Variants in EYS observed in about 807,000 individuals in gnomAD.
EYS encodes EGF-like photoreceptor maintenance factor.
In EYS, 250 loss-of-function variants were observed where a neutral mutation model predicts 282.1. That is an observed-to-expected ratio of 0.89 (90% CI 0.80 to 0.98). The LOEUF (loss-of-function observed/expected upper bound fraction) is 0.98. Ranked by LOEUF, EYS falls within the 50% of genes least tolerant of loss-of-function variation. EYS has a pLI of 0.00. For synonymous variants in EYS, 1,355 were observed against 1,282.9 expected, an observed-to-expected ratio of 1.06 and a Z score of -1.20; for missense variants, 4,016 against 3,709.0, an observed-to-expected ratio of 1.08 and a Z score of -2.15.
At chr6:64,077,205 C>T (rs1185273722) in intron 32 of EYS, among the ~76,000 whole-genome samples, 1 of 151,960 alleles carries the variant, frequency 6.6e-6, no homozygotes, top group East Asian at 1.9e-4. Context: ...TTTTATGGTA[C>T]ACACAATAAA....
At chr6:64,053,308 T>C (rs1770875470) in intron 33 of EYS, among the ~76,000 whole-genome samples, 1 of 152,170 alleles carries the variant, frequency 6.6e-6, no homozygotes, top group Non-Finnish European at 1.5e-5. Context: ...ATTTTTAATT[T>C]TTATTACAGT....
intron 4 of EYS, chr6:65,491,542 C>T: frequency 2.4e-6 from 1 of 425,464 alleles, no homozygotes; most frequent in South Asian, 1.7e-5. Context: ...ACTGACATCC[C>T]TGCCTCACTA....
In EYS at chr6:64,324,798, C is replaced by T. The variant is rs570964934; in HGVS notation, c.6079-17716G>A. On this transcript the variant is annotated intron_variant, in intron 29 of 42. Coordinates refer to ENST00000503581, the MANE Select transcript of EYS (RefSeq NM_001142800.2). ...GGATACAAAATCAATGTATAAAAAT[C>T]GGTATATTTCTATGTATCAATAACA... 6.6e-5 allele frequency among the ~76,000 whole-genome samples: 10 copies of T among 152,072 alleles called. No homozygotes were observed. The East Asian group carries it at 7.7e-4, about 12-fold the overall frequency.
intron 11 of EYS, 108 bp from the exon 12 acceptor site, chr6:65,296,227 G>A (rs1768661793): frequency 4.2e-6 from 5 of 1,177,570 alleles, no homozygotes; most frequent in East Asian, 2.7e-5. Context: ...AATATTTAAT[G>A]AAGATAGTTG....
intron 40 of EYS, among the ~76,000 whole-genome samples, chr6:63,772,793 A>G (rs1030405600): frequency 6.6e-6 from 1 of 152,132 alleles, no homozygotes; most frequent in Non-Finnish European, 1.5e-5. Context: ...TAGAAAGTCT[A>G]GCTTTTATCC....
intron 22 of EYS, among the ~76,000 whole-genome samples, chr6:64,697,937 T>C (rs2149921183): frequency 6.6e-6 from 1 of 151,790 alleles, no homozygotes; most frequent in South Asian, 2.1e-4. Context: ...CAAGACTCCG[T>C]CTCAAAACAA....
chr6:63,913,491 A>G (rs909824701), intron 35 of EYS, among the ~76,000 whole-genome samples: 3 of 152,190 alleles, frequency 2.0e-5, no homozygotes, highest in African/African-American at 7.2e-5. Context: ...ATCATGCACT[A>G]TACATACTTC....
At chr6:64,518,174 C>T (rs1254977710) in intron 26 of EYS, among the ~76,000 whole-genome samples, 1 of 151,714 alleles carries the variant, frequency 6.6e-6, no homozygotes, top group African/African-American at 2.4e-5. Context: ...GTGACAAATT[C>T]CTAAAGAAAT....
chr6:65,331,060 T>C, intron 11 of EYS: 2 of 984,340 alleles, frequency 2.0e-6, no homozygotes, highest in Non-Finnish European at 1.2e-6. Flanking sequence ...ATGTGTTATG[T>C]AGTCTGTCAT....
intron 35 of EYS, among the ~76,000 whole-genome samples, chr6:63,970,097 GGA>G (rs745664811): frequency 1.3e-5 from 2 of 152,146 alleles, no homozygotes; most frequent in Non-Finnish European, 2.9e-5. Context: ...AACTTTCCCT[GGA>G]GACATGGCGA....
At chr6:65,329,623 A>C in intron 11 of EYS, 1 of 981,232 alleles carries the variant, frequency 1.0e-6, no homozygotes, top group Non-Finnish European at 1.2e-6. Flanking sequence ...ACTTGAAGGC[A>C]GAAAAGTTTG....
chr6:64,067,510 T>C (rs902175315), intron 32 of EYS, among the ~76,000 whole-genome samples: 3 of 152,188 alleles, frequency 2.0e-5, no homozygotes, highest in African/African-American at 7.2e-5. Context: ...TCTACTGTAG[T>C]CTTCCCTTTA....
intron 15 of EYS, among the ~76,000 whole-genome samples, chr6:64,916,480 A>G (rs1384917941): frequency 6.6e-6 from 1 of 152,232 alleles, no homozygotes; most frequent in Non-Finnish European, 1.5e-5. Flanking sequence ...AGTCACTACT[A>G]GTGACTAACA....
At chr6:64,166,141 TTAAA>T (rs1183724058) in intron 31 of EYS, among the ~76,000 whole-genome samples, 2 of 152,194 alleles carry the variant, frequency 1.3e-5, no homozygotes, top group Non-Finnish European at 2.9e-5. Context: ...ACTTTGCCCT[TTAAA>T]TACTCAAGTT....
intron 14 of EYS, among the ~76,000 whole-genome samples, chr6:64,972,500 A>G: frequency 6.6e-6 from 1 of 151,662 alleles, no homozygotes; most frequent in South Asian, 2.1e-4. Context: ...CCTCTTCCTC[A>G]CTCTAGCCAA....
chr6:65,335,048 A>G lies in EYS; in HGVS notation c.1698T>C (p.Asn566=), dbSNP rs1156347961. The change falls in exon 11 of 43, where the codon AAT becomes AAC. Residue 566 remains asparagine (N), a synonymous_variant. Coordinates refer to ENST00000503581, the MANE Select transcript of EYS (RefSeq NM_001142800.2). ...LRWAGNMYLE[N]TTDDQENECQ... is the part of the protein sequence containing the mutation. ...ACTCATTTTCTTGATCATCAGTTGTATTTTCCAGATACATGTTGCCAGCCC... is the reference window on the plus strand; with the variant it reads ...ACTCATTTTCTTGATCATCAGTTGTGTTTTCCAGATACATGTTGCCAGCCC... 2 of 1,611,898 alleles carry G rather than the reference A, an allele frequency of 1.2e-6. No homozygotes were observed. Among genetic ancestry groups the G allele is most frequent in the Non-Finnish European group, 8.5e-7 (1 of 1,178,722 alleles).
intron 35 of EYS, among the ~76,000 whole-genome samples, chr6:63,924,838 G>A (rs1206482918): frequency 6.6e-6 from 1 of 152,108 alleles, no homozygotes; most frequent in Non-Finnish European, 1.5e-5. Context: ...GTGCATAACA[G>A]AAAAGTAAAA....
chr6:65,472,335 A>G (rs940056533), intron 5 of EYS, among the ~76,000 whole-genome samples: 22 of 152,080 alleles, frequency 1.4e-4, no homozygotes, highest in African/African-American at 3.9e-4. Flanking sequence ...CTTGGAAGGC[A>G]GTACGTTAGG....
intron 30 of EYS, among the ~76,000 whole-genome samples, chr6:64,278,479 A>G (rs1206740606): frequency 6.6e-6 from 1 of 152,106 alleles, no homozygotes; most frequent in Non-Finnish European, 1.5e-5. Context: ...TAAATTCTTG[A>G]GATATTCTTA....
Sources: allele counts gnomAD v4.1 joint callset (sites outside exome capture counted in the v4.1 genomes callset), GRCh38; gene constraint gnomAD v4.1.1; transcripts MANE v1.5; gene names NCBI Gene and HGNC (gene_info 2026-07-23, HGNC 2026-07-21).